DNM3: variants seen among roughly 807,000 people sequenced by gnomAD.
DNM3 encodes dynamin 3.
DNM3 carries 47 observed loss-of-function variants against 101.6 expected under a neutral mutation model. The observed-to-expected ratio is 0.46, with a 90% confidence interval of 0.37 to 0.59. The LOEUF is 0.59. Ranked by LOEUF, DNM3 falls within the 20% of genes least tolerant of loss-of-function variation. The pLI, the probability that DNM3 is intolerant of heterozygous loss-of-function variation, is 0.00. For missense variants in DNM3, 849 were observed against 1,085.7 expected, an observed-to-expected ratio of 0.78 and a Z score of 3.06; for synonymous variants, 385 against 387.9, an observed-to-expected ratio of 0.99 and a Z score of 0.09.
chr1:172,373,788 A>C (rs2068470992), intron 17 of DNM3, among the ~76,000 whole-genome samples: 1 of 152,080 alleles, frequency 6.6e-6, no homozygotes, highest in African/African-American at 2.4e-5. Context: ...CAAAAGAAAA[A>C]AAACTCCAGA....
In DNM3 at chr1:172,100,799, T is replaced by A. The variant is rs143763291; in HGVS notation, c.1545+7924T>A. On this transcript the variant is annotated intron_variant, in intron 13 of 20. Coordinates refer to ENST00000627582, the MANE Select transcript of DNM3 (RefSeq NM_015569.5). ...GAACTAGTTTTTTTTCCTTCCATAT[T>A]TTTGTTCTGCTCTTTTGCTGTGGTT... 5.7e-3 allele frequency among the ~76,000 whole-genome samples: 862 copies of A among 152,302 alleles called. 8 individuals are homozygous for A. The highest frequency in any genetic ancestry group is 0.024 in the Middle Eastern group (7 of 294).
intron 17 of DNM3, among the ~76,000 whole-genome samples, chr1:172,354,808 A>C (rs959443757): frequency 8.5e-5 from 13 of 152,134 alleles, no homozygotes; most frequent in African/African-American, 3.1e-4. Flanking sequence ...CTTTGGATGT[A>C]CTTAGACATA....
intron 1 of DNM3, among the ~76,000 whole-genome samples, chr1:171,853,143 G>T (rs1362364991): frequency 1.3e-5 from 2 of 151,948 alleles, no homozygotes; most frequent in Admixed American, 6.6e-5. Flanking sequence ...GTGGTTAAGG[G>T]TGTTTTAGAG....
chr1:172,320,772 G>C (rs1017537766), intron 16 of DNM3, among the ~76,000 whole-genome samples: 5 of 152,076 alleles, frequency 3.3e-5, no homozygotes, highest in African/African-American at 1.2e-4. Flanking sequence ...AGCCTCCATC[G>C]GTTAGTCAGG....
At chr1:171,980,065 T>C (rs953327272) in intron 2 of DNM3, among the ~76,000 whole-genome samples, 1 of 152,098 alleles carries the variant, frequency 6.6e-6, no homozygotes, top group Admixed American at 6.6e-5. Flanking sequence ...CATCTCACCC[T>C]ATTGTTCTTA....
At chr1:171,848,969 T>C (rs2032573396) in intron 1 of DNM3, among the ~76,000 whole-genome samples, 1 of 152,178 alleles carries the variant, frequency 6.6e-6, no homozygotes, top group Admixed American at 6.5e-5. Context: ...ACCTCAGTGC[T>C]TCTTTGTGAC....
chr1:172,025,011 G>A (rs2048100615), intron 4 of DNM3, among the ~76,000 whole-genome samples: 1 of 152,318 alleles, frequency 6.6e-6, no homozygotes, highest in South Asian at 2.1e-4. Flanking sequence ...TAGCTCAGCG[G>A]ATCTCACACC....
chr1:172,054,898 G>A (rs1273759909), intron 10 of DNM3, among the ~76,000 whole-genome samples: 1 of 152,104 alleles, frequency 6.6e-6, no homozygotes, highest in Non-Finnish European at 1.5e-5. Context: ...AGCGGCGGTT[G>A]CAGTGAGCCG....
intron 14 of DNM3, among the ~76,000 whole-genome samples, chr1:172,235,321 G>A (rs2061496892): frequency 6.6e-6 from 1 of 152,128 alleles, no homozygotes; most frequent in Non-Finnish European, 1.5e-5. Flanking sequence ...CAGTTAGAAT[G>A]GCAATCATTA....
chr1:171,861,822 AT>A (rs2034205843), intron 1 of DNM3, among the ~76,000 whole-genome samples: 1 of 152,156 alleles, frequency 6.6e-6, no homozygotes, highest in East Asian at 1.9e-4. Flanking sequence ...ATGGGGGGAA[AT>A]TTTTGCAAAT....
At chr1:171,941,671 G>A (rs1351531494) in intron 2 of DNM3, among the ~76,000 whole-genome samples, 2 of 152,326 alleles carry the variant, frequency 1.3e-5, no homozygotes, top group East Asian at 3.9e-4. Context: ...AGACCAGTGT[G>A]TAAAGCTTAA....
At position 172,036,155 on chromosome 1, in the gene DNM3, C is replaced by A. The variant is rs1409384607; in HGVS notation, c.850-2164C>A. On this transcript the variant is annotated intron_variant, in intron 6 of 20. Coordinates refer to ENST00000627582, the MANE Select transcript of DNM3 (RefSeq NM_015569.5). The stretch of plus-strand genomic sequence containing the variant: ...TATCTCCTAAAGCTATCCCTCCCCC[C>A]TCCCCCCACCCCACAACAGTCCCCA... Among the ~76,000 whole-genome samples the A allele has an allele frequency of 1.3e-4, 14 of 108,670 alleles. No homozygotes were observed. In the East Asian group the frequency reaches 4.7e-3, roughly 36 times the overall value. The allele number at this position is 108,670 out of a possible 152,430, so 71.3% of individuals were successfully genotyped here.
intron 2 of DNM3, among the ~76,000 whole-genome samples, chr1:171,960,834 T>C (rs2043168592): frequency 6.6e-6 from 1 of 151,740 alleles, no homozygotes. Context: ...TGGGGTGAGG[T>C]GGTAGTTAGA....
intron 14 of DNM3, among the ~76,000 whole-genome samples, chr1:172,225,364 T>C (rs957336256): frequency 2.0e-5 from 3 of 151,802 alleles, no homozygotes; most frequent in African/African-American, 2.4e-5. Flanking sequence ...CTCGATCTCT[T>C]GACCTCATGA....
At position 172,224,608 on chromosome 1, in the gene DNM3, C is replaced by T. The variant is rs527620575; in HGVS notation, c.1660-28965C>T. ...TGATGTTCAGTGACTTGGAAATTCT[C>T]TCCAGGGCAAACTGCATTTTCACTG... On this transcript the variant is annotated intron_variant, in intron 14 of 20. Coordinates refer to ENST00000627582, the MANE Select transcript of DNM3 (RefSeq NM_015569.5). Among the ~76,000 whole-genome samples, 7 of 152,122 alleles carry T rather than the reference C, an allele frequency of 4.6e-5. 1 individual carries two copies. The highest frequency in any genetic ancestry group is 1.0e-4 in the Non-Finnish European group (7 of 68,026).
At chr1:172,341,063 A>G (rs1359716408) in intron 17 of DNM3, among the ~76,000 whole-genome samples, 1 of 151,958 alleles carries the variant, frequency 6.6e-6, no homozygotes, top group South Asian at 2.1e-4. Context: ...CAAAATCAAC[A>G]TACAAAAATC....
chr1:171,873,141 G>A (rs1177627101), intron 1 of DNM3, among the ~76,000 whole-genome samples: 3 of 152,154 alleles, frequency 2.0e-5, no homozygotes. Flanking sequence ...AAGAGATCTT[G>A]AAGGGAGCTT....
rs1452350696 is a variant in DNM3, at chr1:172,033,253, G to T, written c.837G>T (p.Lys279Asn). The change falls in exon 6 of 21, where the codon AAG (lysine) becomes AAT (asparagine). Residue 279 changes from lysine (K) to asparagine (N), a missense_variant. This residue lies in a region of DNM3 where 388 missense variants were observed against 483.0 expected (regional missense o/e 0.80). Transcript: ENST00000627582. ...GAATGGGAACCCCACACCTGCAGAAGGTCCTTAATCAGGTAAAAATGTTCT... is the reference window on the plus strand; with the variant it reads ...GAATGGGAACCCCACACCTGCAGAATGTCCTTAATCAGGTAAAAATGTTCT... Reference protein sequence around the residue: ...ADRMGTPHLQKVLNQQLTNHI... With the variant: ...ADRMGTPHLQNVLNQQLTNHI... 1 of 1,599,304 alleles carries T rather than the reference G, an allele frequency of 6.3e-7. No homozygotes were observed.
chr1:172,177,866 A>C (rs531392229), intron 14 of DNM3, among the ~76,000 whole-genome samples: 1 of 151,948 alleles, frequency 6.6e-6, no homozygotes, highest in African/African-American at 2.4e-5. Flanking sequence ...CCTGTGGTAA[A>C]TACTATATTT....
Sources: gnomAD v4.1 joint callset for allele counts (sites outside exome capture counted in the v4.1 genomes callset) on GRCh38, gnomAD v4.1.1 for gene constraint, gnomAD v4.1.1 regional missense constraint, MANE v1.5 for transcripts, NCBI Gene and HGNC (gene_info 2026-07-23, HGNC 2026-07-21) for gene names.